FAM107B: variants seen among roughly 807,000 people sequenced by gnomAD.
The protein encoded by FAM107B is family with sequence similarity 107 member B.
In FAM107B, 21 loss-of-function variants were observed where a neutral mutation model predicts 31.5. That is an observed-to-expected ratio of 0.67 (90% confidence interval 0.47 to 0.96). FAM107B has a LOEUF of 0.96. FAM107B is among the 40% of genes least tolerant of loss of function. The pLI is 0.00. For missense variants in FAM107B, 452 were observed against 377.1 expected (o/e 1.20, Z -1.64); for synonymous variants, 157 against 141.5 (o/e 1.11, Z -0.78).
chr10:14,571,898 G>A (rs1000759928), intron 2 of FAM107B: 9 of 985,414 alleles, frequency 9.1e-6, no homozygotes, highest in Non-Finnish European at 1.1e-5. Context: ...AGTGACGAAC[G>A]GTTACAGAGA....
chr10:14,740,295 A>C (rs1028947336), intron 1 of FAM107B, among the ~76,000 whole-genome samples: 1 of 152,236 alleles, frequency 6.6e-6, no homozygotes, highest in African/African-American at 2.4e-5. Flanking sequence ...ATGAGCTATC[A>C]AGGCACAAAA....
At chr10:14,647,272 G>C (rs1305546595) in intron 2 of FAM107B, among the ~76,000 whole-genome samples, 1 of 152,168 alleles carries the variant, frequency 6.6e-6, no homozygotes, top group Non-Finnish European at 1.5e-5. Flanking sequence ...GAGCTGTGAG[G>C]CTCAATTTAG....
chr10:14,658,859 T>TA (rs1854144841), intron 2 of FAM107B, among the ~76,000 whole-genome samples: 1 of 152,206 alleles, frequency 6.6e-6, no homozygotes, highest in African/African-American at 2.4e-5. Flanking sequence ...TCATGATGCT[T>TA]ACCTTCTAGA....
At chr10:14,532,899 G>A (rs1371261312) in intron 2 of FAM107B, among the ~76,000 whole-genome samples, 1 of 152,200 alleles carries the variant, frequency 6.6e-6, no homozygotes, top group Non-Finnish European at 1.5e-5. Flanking sequence ...GAATGTGACA[G>A]AAGAGCGGGC....
intron 2 of FAM107B, among the ~76,000 whole-genome samples, chr10:14,647,168 A>G (rs1161123010): frequency 2.0e-5 from 3 of 152,122 alleles, no homozygotes; most frequent in Admixed American, 1.3e-4. Flanking sequence ...AGTCTTCCAC[A>G]TAGCAGACAC....
chr10:14,681,970 T>G (rs1854847803), intron 1 of FAM107B, among the ~76,000 whole-genome samples: 1 of 152,132 alleles, frequency 6.6e-6, no homozygotes, highest in Admixed American at 6.6e-5. Context: ...ACAAATATGT[T>G]TCAATATTTT....
chr10:14,758,449 G>C (rs1832973276), intron 1 of FAM107B, among the ~76,000 whole-genome samples: 1 of 152,138 alleles, frequency 6.6e-6, no homozygotes. Flanking sequence ...ACTAGAGGGA[G>C]GTTTTTAAAA....
intron 3 of FAM107B, chr10:14,527,940 G>C (rs1450102706): frequency 4.4e-6 from 1 of 227,980 alleles, no homozygotes; most frequent in African/African-American, 2.4e-5. Flanking sequence ...GTATTACCTT[G>C]AAAACTCTTA....
intron 1 of FAM107B, among the ~76,000 whole-genome samples, chr10:14,698,333 T>C (rs1855316426): frequency 1.3e-5 from 2 of 151,952 alleles, no homozygotes; most frequent in African/African-American, 2.4e-5. Flanking sequence ...ACTGAAAGAG[T>C]GATTTGAGCA....
chr10:14,545,734 TTA>T (rs1201491093), intron 2 of FAM107B, among the ~76,000 whole-genome samples: 1 of 152,252 alleles, frequency 6.6e-6, no homozygotes, highest in Non-Finnish European at 1.5e-5. Flanking sequence ...CTTATTTATA[TTA>T]TGTTATAGTC....
intron 1 of FAM107B, among the ~76,000 whole-genome samples, chr10:14,744,532 T>C (rs1832687430): frequency 6.6e-6 from 1 of 152,154 alleles, no homozygotes; most frequent in Admixed American, 6.5e-5. Context: ...CAATACCTAG[T>C]TTATTGAGAG....
chr10:14,759,392 C>A (rs2131589263), intron 1 of FAM107B, among the ~76,000 whole-genome samples: 1 of 152,230 alleles, frequency 6.6e-6, no homozygotes. Flanking sequence ...CCCTTCTCTG[C>A]CATTCTTTCC....
intron 2 of FAM107B, among the ~76,000 whole-genome samples, chr10:14,647,695 A>G (rs979269633): frequency 6.6e-6 from 1 of 152,002 alleles, no homozygotes; most frequent in Non-Finnish European, 1.5e-5. Context: ...CAAAAAAAAA[A>G]AAAAAAAAAG....
intron 1 of FAM107B, among the ~76,000 whole-genome samples, chr10:14,764,445 G>A (rs1833122052): frequency 6.6e-6 from 1 of 152,142 alleles, no homozygotes; most frequent in Admixed American, 6.5e-5. Context: ...CAGCTTTTCA[G>A]AACAAGATCA....
intron 1 of FAM107B, among the ~76,000 whole-genome samples, chr10:14,734,488 G>GTGTTTTTTTTTTTTTTTTTT (rs558940939): frequency 2.2e-5 from 3 of 138,546 alleles, no homozygotes; most frequent in Non-Finnish European, 3.1e-5. Flanking sequence ...TTTTTGTGAG[G>GTGTTTTTTTTTTTTTTTTTT]TTTTTTTTTT....
chr10:14,763,584 G>A (rs1833101697), intron 1 of FAM107B, among the ~76,000 whole-genome samples: 1 of 152,164 alleles, frequency 6.6e-6, no homozygotes, highest in South Asian at 2.1e-4. Context: ...ACGCAGCCAG[G>A]TCAGAAGGGT....
intron 1 of FAM107B, among the ~76,000 whole-genome samples, chr10:14,758,417 A>T (rs1271636673): frequency 1.3e-5 from 2 of 152,238 alleles, no homozygotes; most frequent in Non-Finnish European, 2.9e-5. Context: ...GTGGTTCCCA[A>T]TTCTGGCTGC....
chr10:14,765,777 A>G (rs1365305586), intron 1 of FAM107B, among the ~76,000 whole-genome samples: 1 of 152,246 alleles, frequency 6.6e-6, no homozygotes, highest in Non-Finnish European at 1.5e-5. Context: ...TTTTGTAGGT[A>G]GGCTAAAATT....
intron 2 of FAM107B, among the ~76,000 whole-genome samples, chr10:14,572,721 TC>T (rs1452195625): frequency 3.3e-3 from 220 of 66,622 alleles, no homozygotes; most frequent in African/African-American, 5.5e-3. Context: ...CCCCATCTCT[TC>T]AAAAAAAAAA....
Sources: allele counts gnomAD v4.1 joint callset (sites outside exome capture counted in the v4.1 genomes callset), GRCh38; gene constraint gnomAD v4.1.1; transcripts MANE v1.5; gene names NCBI Gene and HGNC (gene_info 2026-07-23, HGNC 2026-07-21).